The following GLIS1 variants were observed in gnomAD, a reference collection of about 807,000 sequenced individuals.
GLIS1 encodes the protein GLIS family zinc finger 1.
GLIS1 carries 24 observed loss-of-function variants against 63.8 expected under a neutral mutation model. That is an observed-to-expected ratio of 0.38 (90% CI 0.27 to 0.53). The LOEUF (loss-of-function observed/expected upper bound fraction) is 0.53, where lower values mean the gene tolerates loss of function less well. GLIS1 is among the 20% of genes least tolerant of loss of function. The pLI is 0.85. For synonymous variants in GLIS1, 450 were observed against 482.5 expected (o/e 0.93, Z 0.88); for missense variants, 1,036 against 1,074.1 (o/e 0.96, Z 0.50).
rs140554302 is a variant in GLIS1 at position 53,609,422 on chromosome 1, C to T, written c.260-9144G>A. 6.6e-4 allele frequency among the ~76,000 whole-genome samples: 100 copies of T among 151,908 alleles called. 2 individuals carry two copies. In the East Asian group the frequency reaches 0.011, roughly 16 times the overall value. The stretch of plus-strand genomic sequence containing the variant: ...AGTAGCTGCGACTACAGGTGTGTGC[C>T]ACCACACCTGGCTAATTTTTGTATT... On this transcript the variant is annotated intron_variant, in intron 2 of 10. Coordinates refer to ENST00000628545, the MANE Select transcript of GLIS1 (RefSeq NM_001367484.1).
At chr1:53,723,670 G>A (rs1646778695) in intron 2 of GLIS1, among the ~76,000 whole-genome samples, 1 of 152,182 alleles carries the variant, frequency 6.6e-6, no homozygotes, top group South Asian at 2.1e-4. Flanking sequence ...TGGGGGGTGA[G>A]ATTCTGGGCA....
Position 53,654,898 on chromosome 1 carries a change from G to A in GLIS1, c.260-54620C>T, listed in dbSNP as rs576369775. On this transcript the variant is annotated intron_variant, in intron 2 of 10. Coordinates refer to ENST00000628545, the MANE Select transcript of GLIS1 (RefSeq NM_001367484.1). ...TTGCTCAAAAGGAAAGGAAAGGAAC[G>A]AAGGCAGTCTCTGAAGAGGGAAGTG... Among the ~76,000 whole-genome samples, 4 of 152,292 alleles carry A rather than the reference G, an allele frequency of 2.6e-5. No individual in the cohort carries two copies. The South Asian group carries it at 6.2e-4, about 24-fold the overall frequency.
chr1:53,690,300 C>T (rs1646388449), intron 2 of GLIS1, among the ~76,000 whole-genome samples: 1 of 152,252 alleles, frequency 6.6e-6, no homozygotes, highest in African/African-American at 2.4e-5. Flanking sequence ...CTCCGCTGCC[C>T]CCATCAGCGC....
rs528210927 is a variant in GLIS1, at chr1:53,508,715, C to T, written c.2230+405G>A. 9.8e-5 allele frequency among the ~76,000 whole-genome samples: 15 copies of T among 152,308 alleles called. 1 individual carries two copies. Among genetic ancestry groups the T allele is most frequent in the South Asian group, 2.1e-4 (1 of 4,828 alleles). On this transcript the variant is annotated intron_variant, in intron 10 of 10. Coordinates refer to ENST00000628545, the MANE Select transcript of GLIS1 (RefSeq NM_001367484.1). The stretch of plus-strand genomic sequence containing the variant: ...CAGCATGACCTCCAGGTTCTGTCCC[C>T]GCCTAATCTCCTGTGCTGCCAAAGG...
intron 4 of GLIS1, among the ~76,000 whole-genome samples, chr1:53,563,332 G>T (rs1304657028): frequency 1.3e-5 from 2 of 152,260 alleles, no homozygotes; most frequent in East Asian, 1.9e-4. Flanking sequence ...GGTGAAATGT[G>T]TAAGGAGTGA....
rs141959132 is a variant in GLIS1 at position 53,703,856 on chromosome 1, T to C, written c.259+33950A>G. ...GCTTTCCAGCCCCTCACTGGTAAAA[T>C]TGGTGCTGAATGGGCCCATCACTAC... On this transcript the variant is annotated intron_variant, in intron 2 of 10. Coordinates refer to ENST00000628545, the MANE Select transcript of GLIS1 (RefSeq NM_001367484.1). Among the ~76,000 whole-genome samples, 23 of 152,150 alleles carry C rather than the reference T, an allele frequency of 1.5e-4. 1 individual carries two copies. In the South Asian group the frequency reaches 1.7e-3, roughly 11 times the overall value.
chr1:53,583,522 C>T (rs1645106058), intron 4 of GLIS1, among the ~76,000 whole-genome samples: 2 of 152,172 alleles, frequency 1.3e-5, no homozygotes, highest in Admixed American at 6.5e-5. Context: ...GGAAACGTAC[C>T]GCCCAGTACC....
chr1:53,698,501 T>A (rs943657670), intron 2 of GLIS1, among the ~76,000 whole-genome samples: 4 of 152,228 alleles, frequency 2.6e-5, no homozygotes, highest in African/African-American at 9.6e-5. Context: ...CAGCAGGTCA[T>A]CTTCCTGGTC....
chr1:53,546,249 G>A (rs546443143), intron 4 of GLIS1, among the ~76,000 whole-genome samples: 105 of 152,356 alleles, frequency 6.9e-4, no homozygotes, highest in African/African-American at 2.5e-3. Context: ...TAAGAGCAGA[G>A]GAGCCAGAGG....
intron 2 of GLIS1, among the ~76,000 whole-genome samples, chr1:53,696,287 G>T (rs553967561): frequency 6.6e-6 from 1 of 152,316 alleles, no homozygotes; most frequent in South Asian, 2.1e-4. Flanking sequence ...TTTCCCTCGA[G>T]ATCTCTGATC....
intron 4 of GLIS1, among the ~76,000 whole-genome samples, chr1:53,579,615 C>T (rs1219792205): frequency 6.6e-6 from 1 of 152,230 alleles, no homozygotes; most frequent in Non-Finnish European, 1.5e-5. Context: ...CCCTCTGTTC[C>T]TATCAGCTGG....
chr1:53,595,001 G>A lies in GLIS1; in HGVS notation c.438-11C>T. 3 of 1,420,986 alleles carry A rather than the reference G, an allele frequency of 2.1e-6. No individual in the cohort carries two copies. Among genetic ancestry groups the A allele is most frequent in the Non-Finnish European group, 2.7e-6 (3 of 1,092,802 alleles). The allele number at this position is 1,420,986 out of a possible 1,614,324, so 88.0% of individuals were successfully genotyped here. A position where few individuals can be genotyped will look rare whatever the true frequency, so the allele number is the denominator to read the frequency against. On this transcript the variant is annotated splice_polypyrimidine_tract_variant and intron_variant, in intron 3 of 10. Transcript: ENST00000628545. ...TGGGGTCTAGGTGACCTGGAAGACA[G>A]TGCCCAGAGAGGTCATGAGAGGCTG...
intron 7 of GLIS1, among the ~76,000 whole-genome samples, chr1:53,516,943 T>C (rs189946606): frequency 6.6e-6 from 1 of 152,168 alleles, no homozygotes; most frequent in Non-Finnish European, 1.5e-5. Context: ...TTACATCATG[T>C]GAGATTCAAC....
chr1:53,695,899 G>A (rs1646460568), intron 2 of GLIS1, among the ~76,000 whole-genome samples: 1 of 152,230 alleles, frequency 6.6e-6, no homozygotes, highest in African/African-American at 2.4e-5. Context: ...CTTAGGAGAG[G>A]CTCAGGTCTG....
At chr1:53,632,839 G>C (rs1274496611) in intron 2 of GLIS1, among the ~76,000 whole-genome samples, 1 of 147,728 alleles carries the variant, frequency 6.8e-6, no homozygotes, top group East Asian at 2.1e-4. Flanking sequence ...TGTGACTAAG[G>C]GGCGTGTATG....
At chr1:53,535,977 G>A (rs1306035520) in intron 4 of GLIS1, among the ~76,000 whole-genome samples, 1 of 152,054 alleles carries the variant, frequency 6.6e-6, no homozygotes, top group Non-Finnish European at 1.5e-5. Context: ...ATCAGCCTGG[G>A]TGCAAAGCTG....
chr1:53,708,126 C>CA (rs936153254), intron 2 of GLIS1, among the ~76,000 whole-genome samples: 6 of 151,764 alleles, frequency 4.0e-5, no homozygotes, highest in Admixed American at 2.6e-4. Context: ...ATTAAAAATA[C>CA]AAAAAAATTA....
intron 2 of GLIS1, among the ~76,000 whole-genome samples, chr1:53,677,026 C>T (rs926789721): frequency 6.6e-6 from 1 of 152,188 alleles, no homozygotes; most frequent in Non-Finnish European, 1.5e-5. Context: ...GTGACATACA[C>T]GGAGCCCCTA....
chr1:53,617,455 GA>G (rs1160856195), intron 2 of GLIS1, among the ~76,000 whole-genome samples: 2 of 152,244 alleles, frequency 1.3e-5, no homozygotes, highest in African/African-American at 2.4e-5. Context: ...GTAAATTGAG[GA>G]AAGACTATGC....
Sources: gnomAD v4.1 joint callset for allele counts (sites outside exome capture counted in the v4.1 genomes callset) on GRCh38, gnomAD v4.1.1 for gene constraint, MANE v1.5 for transcripts, NCBI Gene and HGNC (gene_info 2026-07-23, HGNC 2026-07-21) for gene names.